ZSCAN20: variants seen among roughly 807,000 people sequenced by gnomAD.
ZSCAN20 encodes zinc finger and SCAN domain-containing protein 20.
In ZSCAN20, 39 loss-of-function variants were observed where a neutral mutation model predicts 97.1. The observed-to-expected ratio is 0.40, with a 90% CI of 0.31 to 0.52. The LOEUF (loss-of-function observed/expected upper bound fraction) is 0.52. Among genes scored for constraint, ZSCAN20 ranks in the 20% least tolerant of loss-of-function variants. ZSCAN20 has a pLI of 0.49. For synonymous variants in ZSCAN20, 456 were observed against 467.3 expected (o/e 0.98, Z 0.31); for missense variants, 1,115 against 1,290.4 (o/e 0.86, Z 2.08).
intron 3 of ZSCAN20, 152 bp downstream of exon 3, chr1:33,488,803 G>A (rs1652474874): frequency 1.2e-6 from 1 of 853,840 alleles, no homozygotes; most frequent in Non-Finnish European, 1.8e-6. Context: ...AAGTAAGCAA[G>A]CCTCGTAAAG....
intron 5 of ZSCAN20, 53 bp downstream of exon 5, chr1:33,489,655 G>A: frequency 1.5e-5 from 23 of 1,542,562 alleles, no homozygotes; most frequent in Non-Finnish European, 2.1e-5. Flanking sequence ...GATACACCCA[G>A]TTCCCAAAGA....
chr1:33,487,112 G>T (rs539151953), intron 2 of ZSCAN20, among the ~76,000 whole-genome samples: 17 of 152,194 alleles, frequency 1.1e-4, no homozygotes, highest in African/African-American at 4.1e-4. Context: ...TATGTAGAAA[G>T]AAACTCTAAA....
intron 5 of ZSCAN20, among the ~76,000 whole-genome samples, chr1:33,490,201 T>C (rs1015819060): frequency 6.6e-6 from 1 of 152,202 alleles, no homozygotes; most frequent in Non-Finnish European, 1.5e-5. Context: ...AGAAGCTCGC[T>C]GGCTACTTGC....
At chr1:33,484,781 C>A (rs1171383536) in intron 2 of ZSCAN20, among the ~76,000 whole-genome samples, 1 of 151,926 alleles carries the variant, frequency 6.6e-6, no homozygotes, top group Non-Finnish European at 1.5e-5. Context: ...GCAACCACAC[C>A]CAGCTGATTT....
chr1:33,486,561 A>T (rs1368635229), intron 2 of ZSCAN20, among the ~76,000 whole-genome samples: 1 of 152,174 alleles, frequency 6.6e-6, no homozygotes, highest in East Asian at 1.9e-4. Context: ...ACTTCTTGGA[A>T]ACTAGAAGTC....
Position 33,498,980 on chromosome 1 carries a change from G to A in ZSCAN20, c.*3504G>A, listed in dbSNP as rs773253181. On this transcript the variant is annotated 3_prime_UTR_variant, in exon 8 of 8. Transcript: ENST00000684572. Reference sequence around the variant, plus strand: ...CCTCAGCAGCTGAACTCATGGTCATGGCTGCCTTGGCCTTATTGTCCACTG... The same window carrying A: ...CCTCAGCAGCTGAACTCATGGTCATAGCTGCCTTGGCCTTATTGTCCACTG... Among the ~76,000 whole-genome samples the A allele has an allele frequency of 2.4e-4, 36 of 152,184 alleles. No homozygotes were observed. The highest frequency in any genetic ancestry group is 5.0e-4 in the Non-Finnish European group (34 of 68,022).
chr1:33,498,002 T>C lies in ZSCAN20; in HGVS notation c.*2526T>C, dbSNP rs1652935809. On this transcript the variant is annotated 3_prime_UTR_variant, in exon 8 of 8. Transcript: ENST00000684572. ...TGTGTATGCGAAGTAGTTAAACTAA[T>C]GAGAAAGGAAGAATTTCAGTTTCAA... Among the ~76,000 whole-genome samples the C allele has an allele frequency of 6.6e-6, 1 of 152,110 alleles. No individual in the cohort carries two copies. The highest frequency in any genetic ancestry group is 2.1e-4 in the South Asian group (1 of 4,818).
chr1:33,491,390 T>C lies in ZSCAN20; in HGVS notation c.1132T>C (p.Tyr378His). 1.2e-6 allele frequency: 2 copies of C among 1,614,170 alleles called. No homozygotes were observed. The highest frequency in any genetic ancestry group is 1.7e-6 in the Non-Finnish European group (2 of 1,180,018). ...CCTGCGGACACTGGAGCAATGTCGCTATAGGGTCAAAAACCTCCTACGGAA... is the reference window on the plus strand; with the variant it reads ...CCTGCGGACACTGGAGCAATGTCGCCATAGGGTCAAAAACCTCCTACGGAA... ...GFLRTLEQCRYRVKNLLRNYR... is the reference protein window; with the variant it reads ...GFLRTLEQCRHRVKNLLRNYR... The change falls in exon 6 of 8, where the codon TAT (tyrosine) becomes CAT (histidine). Residue 378 changes from tyrosine (Y) to histidine (H), a missense_variant. Tyr to His is a moderately conservative substitution (Grantham distance 83, BLOSUM62 2). Around this residue, in one of 3 missense-constraint regions of ZSCAN20, gnomAD observed 508 missense variants for 611.2 expected, o/e 0.83. Coordinates refer to ENST00000684572, the MANE Select transcript of ZSCAN20 (RefSeq NM_001377376.1). The surrounding 1 kb of genome is among the most constrained non-coding windows in gnomAD (Gnocchi z 4.3).
rs1187302862 is a variant in ZSCAN20 at position 33,494,333 on chromosome 1, G to C, written c.1989G>C (p.Trp663Cys). Residue 663 changes from tryptophan to cysteine, a missense_variant, in exon 8 of 8, where the codon TGG becomes TGC. Coordinates refer to ENST00000684572, the MANE Select transcript of ZSCAN20 (RefSeq NM_001377376.1). ...PTEAVCQPLD[W>C]GEDSENENED... ...AAGCTGTTTGCCAACCTCTTGACTG[G>C]GGAGAAGACAGTGAAAATGAAAATG... 6.2e-7 allele frequency: 1 copy of C among 1,614,166 alleles called. No homozygotes were observed. Among genetic ancestry groups the C allele is most frequent in the South Asian group, 1.1e-5 (1 of 91,070 alleles).
Position 33,495,097 on chromosome 1 carries a change from T to G in ZSCAN20, c.2753T>G (p.Leu918Arg), listed in dbSNP as rs1212021821. 3 of 1,612,610 alleles carry G rather than the reference T, an allele frequency of 1.9e-6. No homozygotes were observed. The highest frequency in any genetic ancestry group is 2.5e-6 in the Non-Finnish European group (3 of 1,179,030). Reference sequence around the variant, plus strand: ...AAAAGCTTCAGTAAGAGCTCCACCCTGGCCAACCACCAGCGCACCCACACT... The same window carrying G: ...AAAAGCTTCAGTAAGAGCTCCACCCGGGCCAACCACCAGCGCACCCACACT... ...CGKSFSKSSTLANHQRTHTGE... is the reference protein window; with the variant it reads ...CGKSFSKSSTRANHQRTHTGE... The change falls in exon 8 of 8, where the codon CTG becomes CGG. Residue 918 changes from leucine (L) to arginine (R), a missense_variant. This residue lies in a region of ZSCAN20 where 554 missense variants were observed against 584.9 expected (regional missense o/e 0.95). Coordinates refer to ENST00000684572, the MANE Select transcript of ZSCAN20 (RefSeq NM_001377376.1).
At position 33,489,181 on chromosome 1, in the gene ZSCAN20, C is replaced by T; in HGVS notation, c.671C>T (p.Ala224Val). 2.5e-6 allele frequency: 4 copies of T among 1,613,722 alleles called. No individual in the cohort carries two copies. The highest frequency in any genetic ancestry group is 1.1e-5 in the South Asian group (1 of 90,952). The change falls in exon 4 of 8, where the codon GCT becomes GTT. Residue 224 changes from alanine to valine, a missense_variant. Ala to Val is a moderately conservative substitution (Grantham distance 64). Coordinates refer to ENST00000684572, the MANE Select transcript of ZSCAN20 (RefSeq NM_001377376.1). ...AGCGTTGGAGATTGGGAGGTGACAG[C>T]TGAGTCCCAGGTAAGCTGTTACTCG... Reference protein sequence around the residue: ...MGSVGDWEVTAESQEALGPGK... With the variant: ...MGSVGDWEVTVESQEALGPGK...
At position 33,496,908 on chromosome 1, in the gene ZSCAN20, A is replaced by G. The variant is rs1315736196; in HGVS notation, c.*1432A>G. 6.6e-6 allele frequency among the ~76,000 whole-genome samples: 1 copy of G among 152,224 alleles called. No homozygotes were observed. Among genetic ancestry groups the G allele is most frequent in the Non-Finnish European group, 1.5e-5 (1 of 68,034 alleles). On this transcript the variant is annotated 3_prime_UTR_variant, in exon 8 of 8. Transcript: ENST00000684572. ...CAGGCTAAGTTAGAAAGGTTCACATAGGATGGTTTTAACATTTGCAGCACT... is the reference window on the plus strand; with the variant it reads ...CAGGCTAAGTTAGAAAGGTTCACATGGGATGGTTTTAACATTTGCAGCACT...
rs543871276 is a variant in ZSCAN20 at position 33,491,990 on chromosome 1, G to A, written c.1444+288G>A. ...TCACTGGTAGTATGGGATGATCATCGACGTTACATGAATGAACTTTAAATT... is the reference window on the plus strand; with the variant it reads ...TCACTGGTAGTATGGGATGATCATCAACGTTACATGAATGAACTTTAAATT... On this transcript the variant is annotated intron_variant, in intron 6 of 7. Coordinates refer to ENST00000684572, the MANE Select transcript of ZSCAN20 (RefSeq NM_001377376.1). The surrounding 1 kb of genome is among the most constrained non-coding windows in gnomAD (Gnocchi z 4.3). 6.0e-5 allele frequency: 18 copies of A among 301,122 alleles called. No individual in the cohort carries two copies. Among genetic ancestry groups the A allele is most frequent in the Non-Finnish European group, 8.5e-5 (14 of 164,086 alleles). 18.7% of individuals were successfully genotyped at this position (301,122 alleles called of 1,614,324 possible). A position where few individuals can be genotyped will look rare whatever the true frequency, so the allele number is the denominator to read the frequency against.
chr1:33,482,838 T>A (rs1652204522), intron 2 of ZSCAN20, among the ~76,000 whole-genome samples: 2 of 152,254 alleles, frequency 1.3e-5, no homozygotes, highest in Non-Finnish European at 2.9e-5. Context: ...TGTTTTCATA[T>A]GTTTACTTGC....
At position 33,494,694 on chromosome 1, in the gene ZSCAN20, C is replaced by T. The variant is rs745610762; in HGVS notation, c.2350C>T (p.His784Tyr). 2.8e-5 allele frequency: 45 copies of T among 1,613,942 alleles called. No individual in the cohort carries two copies. Among genetic ancestry groups the T allele is most frequent in the Non-Finnish European group, 3.7e-5 (44 of 1,180,028 alleles). Residue 784 changes from histidine (H) to tyrosine (Y), a missense_variant, in exon 8 of 8, where the codon CAC (histidine) becomes TAC (tyrosine). His to Tyr is a moderately conservative substitution (Grantham distance 83). Transcript: ENST00000684572. ...SFSDHSNLIT[H>Y]QRIHTGEKPY... The stretch of plus-strand genomic sequence containing the variant: ...TAGTGACCATTCTAATCTCATCACT[C>T]ACCAGAGAATTCACACGGGGGAAAA...
Position 33,500,601 on chromosome 1 carries a change from T to TC in ZSCAN20, c.*5125_*5126insC, listed in dbSNP as rs1653033630. Among the ~76,000 whole-genome samples the TC allele has an allele frequency of 6.6e-6, 1 of 151,198 alleles. No individual in the cohort carries two copies. The highest frequency in any genetic ancestry group is 2.4e-5 in the African/African-American group (1 of 41,096). ...TAATGAGGGCGCTGTTGGTGATTCT[T>TC]TTTGTGTGTAAAGATGCTTCTGATC... On this transcript the variant is annotated 3_prime_UTR_variant, in exon 8 of 8. Coordinates refer to ENST00000684572, the MANE Select transcript of ZSCAN20 (RefSeq NM_001377376.1).
In ZSCAN20 at chr1:33,489,096, G is replaced by T. The variant is rs200780193; in HGVS notation, c.605-19G>T. On this transcript the variant is annotated intron_variant, in intron 3 of 7. Coordinates refer to ENST00000684572, the MANE Select transcript of ZSCAN20 (RefSeq NM_001377376.1). ...TGGGAACCAGAGCTTGGGTTTCAGT[G>T]ACTTTTTCTTTTCCTCAGCTGTCCT... 4.7e-4 allele frequency: 747 copies of T among 1,602,066 alleles called. No homozygotes were observed. Among genetic ancestry groups the T allele is most frequent in the Admixed American group, 1.1e-3 (67 of 58,746 alleles).
intron 4 of ZSCAN20, 114 bp downstream of exon 4, chr1:33,489,305 G>A (rs1405943340): frequency 6.6e-6 from 8 of 1,213,366 alleles, no homozygotes; most frequent in African/African-American, 3.0e-5. Context: ...ATGAGGCCCA[G>A]GGTGTTAGCC....
chr1:33,481,117 C>T (rs1406576913), intron 2 of ZSCAN20, among the ~76,000 whole-genome samples: 1 of 152,146 alleles, frequency 6.6e-6, no homozygotes, highest in Non-Finnish European at 1.5e-5. Flanking sequence ...ATTGAAGATA[C>T]AGGGAGACTA....
Sources: gnomAD v4.1 joint callset for allele counts (sites outside exome capture counted in the v4.1 genomes callset) on GRCh38, gnomAD v4.1.1 for gene constraint, gnomAD v4.1.1 regional missense constraint, Gnocchi (gnomAD v3.1) non-coding constraint, MANE v1.5 for transcripts, NCBI Gene and HGNC (gene_info 2026-07-23, HGNC 2026-07-21) for gene names.